The following AGBL4 variants were observed in gnomAD, a reference collection of about 807,000 sequenced individuals.
AGBL4 encodes the protein AGBL carboxypeptidase 4, also known as cytosolic carboxypeptidase 6.
In AGBL4, 58 loss-of-function variants were observed where a neutral mutation model predicts 66.4. The observed-to-expected ratio is 0.87, with a 90% CI of 0.71 to 1.09. The LOEUF (loss-of-function observed/expected upper bound fraction) is 1.09, where lower values mean the gene tolerates loss of function less well. Ranked by LOEUF, AGBL4 falls within the 50% of genes least tolerant of loss-of-function variation. The pLI is 0.00. For missense variants in AGBL4, 579 were observed against 631.0 expected (o/e 0.92, Z 0.88); for synonymous variants, 234 against 222.9 (o/e 1.05, Z -0.44).
intron 1 of AGBL4, among the ~76,000 whole-genome samples, chr1:50,023,552 A>T (rs922040688): frequency 1.3e-5 from 2 of 150,488 alleles, no homozygotes; most frequent in African/African-American, 4.9e-5. Context: ...ACTAACCCAC[A>T]CTCCCCTCCA....
chr1:48,774,024 A>G (rs1232481745), intron 6 of AGBL4, among the ~76,000 whole-genome samples: 2 of 152,264 alleles, frequency 1.3e-5, no homozygotes, highest in African/African-American at 4.8e-5. Flanking sequence ...GAGTATAAAA[A>G]GAAGTATACT....
At chr1:49,652,481 G>T (rs1305786634) in intron 3 of AGBL4, among the ~76,000 whole-genome samples, 4 of 152,128 alleles carry the variant, frequency 2.6e-5, no homozygotes, top group Non-Finnish European at 5.9e-5. Context: ...GCTCGGGTAG[G>T]TGGCTGCTCG....
chr1:49,025,856 C>A (rs1344154036), intron 5 of AGBL4, among the ~76,000 whole-genome samples: 1 of 152,110 alleles, frequency 6.6e-6, no homozygotes. Flanking sequence ...TCTTTGCTTT[C>A]TGTAATCTCT....
At chr1:49,752,424 A>G (rs1651548823) in intron 2 of AGBL4, among the ~76,000 whole-genome samples, 1 of 152,142 alleles carries the variant, frequency 6.6e-6, no homozygotes, top group South Asian at 2.1e-4. Flanking sequence ...ATTTGATTGC[A>G]CTGTGGTCTG....
chr1:49,970,734 C>T (rs1199306887), intron 1 of AGBL4, among the ~76,000 whole-genome samples: 3 of 123,906 alleles, frequency 2.4e-5, no homozygotes, highest in Non-Finnish European at 1.7e-5. Context: ...CACACACACA[C>T]ACACACACAC....
At chr1:49,769,200 A>G (rs1643983247) in intron 2 of AGBL4, among the ~76,000 whole-genome samples, 1 of 151,748 alleles carries the variant, frequency 6.6e-6, no homozygotes, top group South Asian at 2.1e-4. Flanking sequence ...AAATAACACA[A>G]TCTCATTTGT....
chr1:49,719,818 T>G (rs1355648138), intron 2 of AGBL4, among the ~76,000 whole-genome samples: 3 of 152,042 alleles, frequency 2.0e-5, no homozygotes, highest in Non-Finnish European at 2.9e-5. Context: ...GTGAGCGAGT[T>G]CACATGAGAT....
Position 49,427,013 on chromosome 1 carries a change from C to A in AGBL4, c.283-181149G>T, listed in dbSNP as rs571272626. Among the ~76,000 whole-genome samples the A allele has an allele frequency of 2.4e-4, 36 of 152,236 alleles. 1 individual carries two copies. The highest frequency in any genetic ancestry group is 7.7e-4 in the African/African-American group (32 of 41,564). On this transcript the variant is annotated intron_variant, in intron 3 of 13. Coordinates refer to ENST00000371839, the MANE Select transcript of AGBL4 (RefSeq NM_032785.4). ...CCAGAAGGACACACAACTTTCCTCT[C>A]GTGAGCTTACATCCAAACAAGAGAA...
intron 2 of AGBL4, among the ~76,000 whole-genome samples, chr1:49,797,823 T>G (rs901659723): frequency 6.6e-6 from 1 of 151,844 alleles, no homozygotes; most frequent in Non-Finnish European, 1.5e-5. Context: ...CAGACTGGAG[T>G]GCAATGGCGC....
At chr1:49,393,156 T>C (rs1161725006) in intron 3 of AGBL4, among the ~76,000 whole-genome samples, 1 of 152,212 alleles carries the variant, frequency 6.6e-6, no homozygotes, top group African/African-American at 2.4e-5. Flanking sequence ...AGGCACTCAG[T>C]GAATGATGGT....
chr1:49,063,237 A>C (rs939072822), intron 4 of AGBL4, among the ~76,000 whole-genome samples: 5 of 152,208 alleles, frequency 3.3e-5, no homozygotes, highest in African/African-American at 1.2e-4. Context: ...ATAGAGATAG[A>C]GAACTTTAAG....
At chr1:49,211,950 T>G (rs980130530) in intron 4 of AGBL4, among the ~76,000 whole-genome samples, 10 of 152,102 alleles carry the variant, frequency 6.6e-5, no homozygotes, top group African/African-American at 2.2e-4. Flanking sequence ...AACTAGAAGC[T>G]TTACATGTAT....
chr1:49,698,662 T>A (rs977238286), intron 2 of AGBL4, among the ~76,000 whole-genome samples: 2 of 152,064 alleles, frequency 1.3e-5, no homozygotes, highest in African/African-American at 2.4e-5. Flanking sequence ...ATAACATAAA[T>A]TGAAAGCACA....
intron 3 of AGBL4, among the ~76,000 whole-genome samples, chr1:49,515,472 T>A (rs1456342540): frequency 6.6e-6 from 1 of 151,446 alleles, no homozygotes; most frequent in African/African-American, 2.4e-5. Flanking sequence ...TTGTGGAAGT[T>A]AGTGTGGCGA....
At chr1:49,210,580 A>G (rs1648584039) in intron 4 of AGBL4, among the ~76,000 whole-genome samples, 3 of 152,110 alleles carry the variant, frequency 2.0e-5, no homozygotes, top group African/African-American at 7.2e-5. Flanking sequence ...GCCTTATTAG[A>G]TAAAGATGTT....
At chr1:48,812,519 G>T (rs1403604311) in intron 6 of AGBL4, among the ~76,000 whole-genome samples, 2 of 152,078 alleles carry the variant, frequency 1.3e-5, no homozygotes, top group Non-Finnish European at 2.9e-5. Context: ...CCAAATCCTG[G>T]GCTAAACACT....
chr1:49,704,032 G>C (rs1270250559), intron 2 of AGBL4, among the ~76,000 whole-genome samples: 2 of 151,970 alleles, frequency 1.3e-5, no homozygotes, highest in Non-Finnish European at 2.9e-5. Flanking sequence ...AGATATCCAA[G>C]TCTTTTGCAC....
chr1:48,966,620 A>C (rs1658442384), intron 5 of AGBL4, among the ~76,000 whole-genome samples: 1 of 152,182 alleles, frequency 6.6e-6, no homozygotes, highest in Non-Finnish European at 1.5e-5. Context: ...AAAAAACTCT[A>C]ATGCCTATGG....
At chr1:48,528,195 G>C (rs1182905444), downstream of AGBL4, among the ~76,000 whole-genome samples, 1 of 152,168 alleles carries the variant, frequency 6.6e-6, no homozygotes, top group African/African-American at 2.4e-5. Flanking sequence ...CTGACTCAGA[G>C]TCACTCCATA....
Sources: gnomAD v4.1 joint callset for allele counts (sites outside exome capture counted in the v4.1 genomes callset) on GRCh38, gnomAD v4.1.1 for gene constraint, MANE v1.5 for transcripts, NCBI Gene and HGNC (gene_info 2026-07-23, HGNC 2026-07-21) for gene names.